Variants in MTIF2 observed in about 807,000 individuals in gnomAD.
MTIF2 encodes mitochondrial translational initiation factor 2, also known as translation initiation factor IF-2, mitochondrial.
Under a neutral mutation model 83.5 loss-of-function variants are expected in MTIF2, and 71 were observed. The ratio of observed to expected loss-of-function variants is 0.85; its 90% confidence interval spans 0.70 to 1.04. The LOEUF (loss-of-function observed/expected upper bound fraction) is 1.04, where lower values mean the gene tolerates loss of function less well. MTIF2 is among the 50% of genes least tolerant of loss of function. The pLI, the probability that MTIF2 is intolerant of heterozygous loss-of-function variation, is 0.00. For missense variants in MTIF2, 957 were observed against 846.5 expected (o/e 1.13, Z -1.62); for synonymous variants, 319 against 287.1 (o/e 1.11, Z -1.12).
intron 7 of MTIF2, among the ~76,000 whole-genome samples, chr2:55,253,761 G>A (rs1474336183): frequency 8.5e-6 from 1 of 117,534 alleles, no homozygotes; most frequent in African/African-American, 3.0e-5. Context: ...GTTGCAGTGA[G>A]CCAAGATTGC....
intron 15 of MTIF2, 83 bp downstream of exon 15, chr2:55,237,205 G>A: frequency 7.0e-6 from 10 of 1,423,696 alleles, no homozygotes; most frequent in Non-Finnish European, 9.5e-6. Context: ...GGGCATGAAA[G>A]ATGAACAGAT....
intron 9 of MTIF2, 116 bp from the exon 10 acceptor site, chr2:55,246,577 T>A: frequency 1.2e-6 from 1 of 840,462 alleles, no homozygotes; most frequent in Non-Finnish European, 1.8e-6. Flanking sequence ...TTCTCTTTAA[T>A]CATTGAAAGC....
chr2:55,269,062 G>C (rs1678646532), intron 1 of MTIF2, 107 bp downstream of exon 1: 1 of 152,282 alleles, frequency 6.6e-6, no homozygotes. Context: ...AACGCACAAT[G>C]TTTATGAAGT....
chr2:55,242,968 A>G lies in MTIF2; in HGVS notation c.1677T>C (p.Asn559=), dbSNP rs1293989939. 1.2e-5 allele frequency: 20 copies of G among 1,611,210 alleles called. No homozygotes were observed. Among genetic ancestry groups the G allele is most frequent in the Non-Finnish European group, 1.7e-5 (20 of 1,179,090 alleles). Residue 559 remains asparagine, a synonymous_variant, in exon 13 of 16, where the codon AAT becomes AAC. Coordinates refer to ENST00000263629, the MANE Select transcript of MTIF2 (RefSeq NM_002453.3). ...CAAATGTTTCAGCAAGGTTAACATC[A>G]TTTGCACTTACATCACCCACTCCAA... The part of the protein sequence containing the change: ...VHFGVGDVSA[N]DVNLAETFDG...
intron 13 of MTIF2, among the ~76,000 whole-genome samples, chr2:55,242,314 G>A (rs952242115): frequency 2.0e-5 from 3 of 152,106 alleles, no homozygotes; most frequent in Non-Finnish European, 2.9e-5. Context: ...AATCAAGTCA[G>A]GTTTCAAAGC....
chr2:55,245,821 C>A lies in MTIF2; in HGVS notation c.1106+516G>T, dbSNP rs528954350. On this transcript the variant is annotated intron_variant, in intron 10 of 15. Transcript: ENST00000263629. Reference sequence around the variant, plus strand: ...AGGGAGCAAAGTGTTCTGACAGAATCTTAACCCACTTTCTATCCCAGTCTC... The same window carrying A: ...AGGGAGCAAAGTGTTCTGACAGAATATTAACCCACTTTCTATCCCAGTCTC... 7.9e-5 allele frequency among the ~76,000 whole-genome samples: 12 copies of A among 152,300 alleles called. No homozygotes were observed. The East Asian group carries it at 2.3e-3, about 29-fold the overall frequency.
chr2:55,262,969 C>T (rs1025283251), intron 4 of MTIF2, among the ~76,000 whole-genome samples: 13 of 152,082 alleles, frequency 8.5e-5, no homozygotes, highest in Admixed American at 7.2e-4. Context: ...TCTTGTGATC[C>T]GCCTGCCTTA....
At chr2:55,255,226 C>G (rs1361702779) in intron 5 of MTIF2, among the ~76,000 whole-genome samples, 2 of 151,164 alleles carry the variant, frequency 1.3e-5, no homozygotes, top group African/African-American at 4.8e-5. Flanking sequence ...TAATTATGTT[C>G]TATAAAGTCA....
At chr2:55,248,462 T>C (rs527838093) in intron 9 of MTIF2, among the ~76,000 whole-genome samples, 4 of 152,246 alleles carry the variant, frequency 2.6e-5, no homozygotes, top group Non-Finnish European at 5.9e-5. Context: ...AAAAAGGCTA[T>C]ATTATAAATA....
intron 5 of MTIF2, among the ~76,000 whole-genome samples, chr2:55,257,685 G>A (rs759063121): frequency 2.0e-5 from 3 of 152,204 alleles, no homozygotes; most frequent in African/African-American, 4.8e-5. Flanking sequence ...ACTGAATGCA[G>A]TGTTGGGAGT....
At chr2:55,261,276 C>T (rs982168863) in intron 5 of MTIF2, among the ~76,000 whole-genome samples, 2 of 152,130 alleles carry the variant, frequency 1.3e-5, no homozygotes, top group African/African-American at 4.8e-5. Context: ...TGGCTACTAC[C>T]AGTATTTCTC....
At chr2:55,247,898 A>T (rs1034951970) in intron 9 of MTIF2, among the ~76,000 whole-genome samples, 2 of 148,140 alleles carry the variant, frequency 1.4e-5, no homozygotes, top group African/African-American at 2.5e-5. Context: ...AAATATTTTA[A>T]TTTTTTTTTT....
intron 1 of MTIF2, 81 bp from the exon 2 acceptor site, chr2:55,268,820 A>T (rs1316933162): frequency 6.6e-6 from 1 of 152,212 alleles, no homozygotes; most frequent in African/African-American, 2.4e-5. Flanking sequence ...AACTTACCAG[A>T]AAGGTAAAAA....
chr2:55,253,367 G>C (rs1417952884), intron 7 of MTIF2, among the ~76,000 whole-genome samples: 2 of 152,138 alleles, frequency 1.3e-5, no homozygotes, highest in African/African-American at 4.8e-5. Context: ...AACTAAGAAT[G>C]AGCTAGAATT....
chr2:55,240,038 G>A lies in MTIF2; in HGVS notation c.1843C>T (p.Pro615Ser). Residue 615 changes from proline to serine, a missense_variant, in exon 14 of 16, where the codon CCC becomes TCC. By Grantham distance (74) the Pro-to-Ser change is moderately conservative. Coordinates refer to ENST00000263629, the MANE Select transcript of MTIF2 (RefSeq NM_002453.3). Reference sequence around the variant, plus strand: ...ACTGGGTGCTCTTCCACAGCACAGGGTAATCTGCTGCTCAGTTCCTCTTGC... The same window carrying A: ...ACTGGGTGCTCTTCCACAGCACAGGATAATCTGCTGCTCAGTTCCTCTTGC... ...DLQEELSSRL[P>S]CAVEEHPVGE... is the part of the protein sequence containing the mutation. The A allele has an allele frequency of 1.2e-6, 2 of 1,613,040 alleles. No homozygotes were observed. Among genetic ancestry groups the A allele is most frequent in the Non-Finnish European group, 1.7e-6 (2 of 1,179,896 alleles).
At chr2:55,260,653 C>T (rs1433120414) in intron 5 of MTIF2, among the ~76,000 whole-genome samples, 2 of 152,150 alleles carry the variant, frequency 1.3e-5, no homozygotes, top group Non-Finnish European at 2.9e-5. Flanking sequence ...CACAAACTAG[C>T]TGGAAATAGT....
chr2:55,236,883 A>G (rs1675865669), intron 15 of MTIF2, 63 bp from the exon 16 acceptor site: 12 of 1,256,782 alleles, frequency 9.5e-6, no homozygotes, highest in Non-Finnish European at 8.5e-6. Context: ...TAAATACTAC[A>G]TTATGTGGTG....
Position 55,243,435 on chromosome 2 carries a change from T to A in MTIF2, c.1545A>T (p.Val515=). ...PKEKRERDSN[V]LSVIIKGDVD... ...AGATACCTTTAATAATCACAGAAAG[T>A]ACATTTGAATCTCTTTCCCTTTTCT... Residue 515 remains valine, a synonymous_variant, in exon 12 of 16, where the codon GTA becomes GTT. Transcript: ENST00000263629. The A allele has an allele frequency of 6.2e-7, 1 of 1,606,802 alleles. No homozygotes were observed. The highest frequency in any genetic ancestry group is 8.5e-7 in the Non-Finnish European group (1 of 1,175,142).
At position 55,255,237 on chromosome 2, in the gene MTIF2, C is replaced by T. The variant is rs541301108; in HGVS notation, c.332-412G>A. 4.6e-5 allele frequency among the ~76,000 whole-genome samples: 7 copies of T among 151,128 alleles called. No homozygotes were observed. In the South Asian group the frequency reaches 1.2e-3, roughly 27 times the overall value. ...GCAATAATTATGTTCTATAAAGTCACCAAAACTATTGAATTAGCAAATATT... is the reference window on the plus strand; with the variant it reads ...GCAATAATTATGTTCTATAAAGTCATCAAAACTATTGAATTAGCAAATATT... On this transcript the variant is annotated intron_variant, in intron 5 of 15. Transcript: ENST00000263629.
Sources: allele counts gnomAD v4.1 joint callset (sites outside exome capture counted in the v4.1 genomes callset), GRCh38; gene constraint gnomAD v4.1.1; transcripts MANE v1.5; gene names NCBI Gene and HGNC (gene_info 2026-07-23, HGNC 2026-07-21).